The following LRPPRC variants were observed in gnomAD, a reference collection of about 807,000 sequenced individuals.
LRPPRC encodes the protein leucine-rich PPR motif-containing protein, mitochondrial.
LRPPRC carries 120 observed loss-of-function variants against 180.3 expected under a neutral mutation model. That is an observed-to-expected ratio of 0.67 (90% confidence interval 0.57 to 0.77). LRPPRC has a LOEUF of 0.77. Among genes scored for constraint, LRPPRC ranks in the 30% least tolerant of loss-of-function variants. LRPPRC has a pLI of 0.00. For missense variants in LRPPRC, 2,012 were observed against 1,657.2 expected (o/e 1.21, Z -3.72); for synonymous variants, 723 against 600.0 (o/e 1.21, Z -3.00).
intron 29 of LRPPRC, among the ~76,000 whole-genome samples, chr2:43,914,889 T>C (rs1671389615): frequency 6.6e-6 from 1 of 151,800 alleles, no homozygotes; most frequent in African/African-American, 2.4e-5. Flanking sequence ...CATATATTCA[T>C]TTTAGTCATT....
chr2:43,893,083 G>A (rs1446205500), intron 36 of LRPPRC, among the ~76,000 whole-genome samples: 3 of 152,200 alleles, frequency 2.0e-5, no homozygotes, highest in Non-Finnish European at 2.9e-5. Flanking sequence ...ACTAGAAGGA[G>A]AAGTGGAGCG....
rs1461949177 is a variant in LRPPRC, at chr2:43,912,492, T to C, written c.3215A>G (p.Asn1072Ser). Residue 1072 changes from asparagine (N) to serine (S), a missense_variant, in exon 30 of 38, where the codon AAT becomes AGT. By Grantham distance (46) the Asn-to-Ser change is conservative (BLOSUM62 1). Transcript: ENST00000260665. ...TTCTGACATCAGTAATTTAATGAGATTGCTGTAGGTTTCAGCATTAAACAC... is the reference window on the plus strand; with the variant it reads ...TTCTGACATCAGTAATTTAATGAGACTGCTGTAGGTTTCAGCATTAAACAC... ...NIVFNAETYSNLIKLLMSEDY... is the reference protein window; with the variant it reads ...NIVFNAETYSSLIKLLMSEDY... 6 of 1,588,278 alleles carry C rather than the reference T, an allele frequency of 3.8e-6. No individual in the cohort carries two copies. Among genetic ancestry groups the C allele is most frequent in the East Asian group, 2.2e-5 (1 of 44,662 alleles).
At position 43,945,437 on chromosome 2, in the gene LRPPRC, T is replaced by G; in HGVS notation, c.2211-20A>C. 1 of 1,428,502 alleles carries G rather than the reference T, an allele frequency of 7.0e-7. No individual in the cohort carries two copies. Among genetic ancestry groups the G allele is most frequent in the Non-Finnish European group, 9.9e-7 (1 of 1,011,120 alleles). The allele number at this position is 1,428,502 out of a possible 1,614,324, so 88.5% of individuals were successfully genotyped here. A position where few individuals can be genotyped will look rare whatever the true frequency, so the allele number is the denominator to read the frequency against. ...CGGTCACTAAAAATTAAAGCCACAT[T>G]TATATTGTTTTAAAAGTCAATTAAC... On this transcript the variant is annotated intron_variant, in intron 21 of 37. Transcript: ENST00000260665.
Position 43,976,430 on chromosome 2 carries a change from A to T in LRPPRC, c.651-201T>A, listed in dbSNP as rs186764561. Reference sequence around the variant, plus strand: ...ACTCTCTAATGTATCAACAGTCTTGAAGTACTATCGATACAAATACTAGAT... The same window carrying T: ...ACTCTCTAATGTATCAACAGTCTTGTAGTACTATCGATACAAATACTAGAT... On this transcript the variant is annotated intron_variant, in intron 5 of 37. Coordinates refer to ENST00000260665, the MANE Select transcript of LRPPRC (RefSeq NM_133259.4). 5.2e-3 allele frequency among the ~76,000 whole-genome samples: 787 copies of T among 152,286 alleles called. 14 individuals carry two copies. The highest frequency in any genetic ancestry group is 0.018 in the African/African-American group (747 of 41,560).
intron 17 of LRPPRC, 61 bp from the exon 18 acceptor site, chr2:43,948,260 G>C (rs1459504019): frequency 2.0e-6 from 2 of 1,007,182 alleles, no homozygotes; most frequent in Non-Finnish European, 3.2e-6. Flanking sequence ...ACTGAAATTT[G>C]TCTAACAGAA....
intron 18 of LRPPRC, 96 bp from the exon 19 acceptor site, chr2:43,947,871 T>TTGATATTTCAAATTTGAAAAGTCTC: frequency 1.2e-6 from 1 of 813,888 alleles, no homozygotes; most frequent in Non-Finnish European, 2.2e-6. Flanking sequence ...CACCTCATAT[T>TTGATATTTCAAATTTGAAAAGTCTC]ACTACTTTTC....
chr2:43,966,498 C>A (rs1232896016), intron 11 of LRPPRC, among the ~76,000 whole-genome samples: 1 of 151,762 alleles, frequency 6.6e-6, no homozygotes, highest in South Asian at 2.1e-4. Context: ...GCAACCTCCA[C>A]CTCCTGGGTT....
chr2:43,967,802 A>G (rs72879136), intron 11 of LRPPRC, among the ~76,000 whole-genome samples: 2,748 of 152,324 alleles, frequency 0.018, 82 homozygotes, highest in African/African-American at 0.062. Flanking sequence ...GAAGCCTAAC[A>G]ATACTTGTAA....
chr2:43,988,478 G>T (rs1295548992), intron 1 of LRPPRC, among the ~76,000 whole-genome samples: 2 of 152,192 alleles, frequency 1.3e-5, no homozygotes, highest in Non-Finnish European at 2.9e-5. Context: ...AGAGGTTGCA[G>T]TGAGCCGAGA....
At position 43,960,610 on chromosome 2, in the gene LRPPRC, C is replaced by A; in HGVS notation, c.1513G>T (p.Asp505Tyr). 6.3e-7 allele frequency: 1 copy of A among 1,596,098 alleles called. No homozygotes were observed. The highest frequency in any genetic ancestry group is 8.6e-7 in the Non-Finnish European group (1 of 1,165,122). Reference sequence around the variant, plus strand: ...CTCAATCCAGCTTGAGAAAACATATCACTATCAGACAGACATCCATTTTCC... The same window carrying A: ...CTCAATCCAGCTTGAGAAAACATATAACTATCAGACAGACATCCATTTTCC... ...LQENGCLSDS[D>Y]MFSQAGLRSE... is the part of the protein sequence containing the mutation. The change falls in exon 13 of 38, where the codon GAT (aspartate) becomes TAT (tyrosine). Residue 505 changes from aspartate to tyrosine, a missense_variant. Transcript: ENST00000260665.
At chr2:43,952,789 C>A (rs1052107584) in intron 14 of LRPPRC, among the ~76,000 whole-genome samples, 5 of 152,098 alleles carry the variant, frequency 3.3e-5, no homozygotes, top group Non-Finnish European at 5.9e-5. Context: ...TTCCACAGTC[C>A]CCTAAAAGAA....
chr2:43,925,960 G>A lies in LRPPRC; in HGVS notation c.2738C>T (p.Thr913Ile). 1 of 1,596,790 alleles carries A rather than the reference G, an allele frequency of 6.3e-7. No homozygotes were observed. Among genetic ancestry groups the A allele is most frequent in the Non-Finnish European group, 8.6e-7 (1 of 1,164,212 alleles). Residue 913 changes from threonine to isoleucine, a missense_variant and splice_region_variant, in exon 26 of 38, where the codon ACT becomes ATT. By Grantham distance (89) the Thr-to-Ile change is moderately conservative. Coordinates refer to ENST00000260665, the MANE Select transcript of LRPPRC (RefSeq NM_133259.4). ...TGCAGATCGAGCTCTAATCCCTGGA[G>A]TCTGTAAAATAAAATAATCACATAG... ...NYKEAKKIIE[T>I]PGIRARSARL... is the part of the protein sequence containing the mutation.
intron 12 of LRPPRC, among the ~76,000 whole-genome samples, chr2:43,962,105 C>T (rs1673371726): frequency 6.6e-6 from 1 of 152,106 alleles, no homozygotes; most frequent in Admixed American, 6.5e-5. Flanking sequence ...TGAATGTAAC[C>T]AAATTTGGGA....
chr2:43,996,024 C>CGCG (rs534231788), upstream of LRPPRC: 1,595 of 1,461,758 alleles, frequency 1.1e-3, 18 homozygotes, highest in African/African-American at 0.02. Context: ...GGTAGCCTGG[C>CGCG]GCGGCAGAGA....
In LRPPRC at chr2:43,977,156, CG is replaced by C; in HGVS notation, c.589del (p.Arg197GlufsTer2). On this transcript the variant is annotated frameshift_variant and splice_region_variant, in exon 4 of 38. Transcript: ENST00000260665. LOFTEE classifies it high-confidence loss of function. ...KMEEANIQPN[R>X]VTYQRLIASY... Reference sequence around the variant, plus strand: ...ATATTCACAATAGCAACTACTTACTCGATTTGGTTGAATGTTTGCTTCCTCC... The same window carrying C: ...ATATTCACAATAGCAACTACTTACTCATTTGGTTGAATGTTTGCTTCCTCC... 1 of 1,611,840 alleles carries C rather than the reference CG, an allele frequency of 6.2e-7. No individual in the cohort carries two copies. The highest frequency in any genetic ancestry group is 1.1e-5 in the South Asian group (1 of 91,008).
At position 43,963,914 on chromosome 2, in the gene LRPPRC, A is replaced by G. The variant is rs779638836; in HGVS notation, c.1370-208T>C. ...TCTTCATCCCCCTCTGTGAAACAGT[A>G]AATTTCAAGAAACTATCCTTGAAAT... On this transcript the variant is annotated intron_variant, in intron 11 of 37. Coordinates refer to ENST00000260665, the MANE Select transcript of LRPPRC (RefSeq NM_133259.4). 3 of 590,096 alleles carry G rather than the reference A, an allele frequency of 5.1e-6. No homozygotes were observed. The South Asian group carries it at 6.2e-5, about 12-fold the overall frequency. 36.6% of individuals were successfully genotyped at this position (590,096 alleles called of 1,614,324 possible). A position where few individuals can be genotyped will look rare whatever the true frequency, so the allele number is the denominator to read the frequency against.
intron 34 of LRPPRC, among the ~76,000 whole-genome samples, chr2:43,898,393 G>C (rs868406216): frequency 3.3e-5 from 5 of 152,054 alleles, no homozygotes; most frequent in Non-Finnish European, 7.4e-5. Flanking sequence ...TACTATTTAC[G>C]ATCAGAAATT....
intron 11 of LRPPRC, among the ~76,000 whole-genome samples, chr2:43,968,757 T>A (rs1288957258): frequency 6.6e-6 from 1 of 152,194 alleles, no homozygotes; most frequent in Non-Finnish European, 1.5e-5. Context: ...GGGCACGAAC[T>A]TTCTGTTAAT....
intron 11 of LRPPRC, among the ~76,000 whole-genome samples, chr2:43,972,045 A>C (rs966074118): frequency 6.6e-6 from 1 of 152,228 alleles, no homozygotes; most frequent in African/African-American, 2.4e-5. Context: ...AACAGCAGCT[A>C]AGAATTTTTA....
Sources: allele counts gnomAD v4.1 joint callset (sites outside exome capture counted in the v4.1 genomes callset), GRCh38; gene constraint gnomAD v4.1.1; transcripts MANE v1.5; gene names NCBI Gene and HGNC (gene_info 2026-07-23, HGNC 2026-07-21).